Variants in AMPD3 observed in about 807,000 individuals in gnomAD.
AMPD3 encodes AMP deaminase 3.
Under a neutral mutation model 82.3 loss-of-function variants are expected in AMPD3, and 57 were observed. That is an observed-to-expected ratio of 0.69 (90% CI 0.56 to 0.86). The LOEUF (loss-of-function observed/expected upper bound fraction) is 0.86. AMPD3 is among the 40% of genes least tolerant of loss of function. The pLI, the probability that AMPD3 is intolerant of heterozygous loss-of-function variation, is 0.00. For synonymous variants in AMPD3, 381 were observed against 394.7 expected (o/e 0.97, Z 0.41); for missense variants, 870 against 1,003.8 (o/e 0.87, Z 1.80).
intron 2 of AMPD3, among the ~76,000 whole-genome samples, chr11:10,469,163 A>G (rs1206639273): frequency 6.6e-6 from 1 of 152,220 alleles, no homozygotes; most frequent in Non-Finnish European, 1.5e-5. Context: ...CGAAGGAGAT[A>G]GAGACATGAA....
At position 10,473,703 on chromosome 11, in the gene AMPD3, A is replaced by G. The variant is rs1848658032; in HGVS notation, c.222-4823A>G. 8.5e-6 allele frequency: 6 copies of G among 707,806 alleles called. No homozygotes were observed. In the South Asian group the frequency reaches 3.8e-4, roughly 45 times the overall value. 43.8% of individuals were successfully genotyped at this position (707,806 alleles called of 1,614,324 possible). On this transcript the variant is annotated intron_variant, in intron 2 of 14. Transcript: ENST00000396553. The stretch of plus-strand genomic sequence containing the variant: ...CCCATCGTGCAGCATATTTCTCCAG[A>G]TAGGCTGGGACCTCTGGTCTCAAGT...
At chr11:10,491,468 T>A (rs961036623) in intron 6 of AMPD3, among the ~76,000 whole-genome samples, 2 of 152,090 alleles carry the variant, frequency 1.3e-5, no homozygotes, top group African/African-American at 4.8e-5. Context: ...CAAATTACAT[T>A]TAAAGAATCC....
At chr11:10,471,928 C>T (rs1032892450) in intron 2 of AMPD3, among the ~76,000 whole-genome samples, 1 of 152,242 alleles carries the variant, frequency 6.6e-6, no homozygotes, top group East Asian at 1.9e-4. Context: ...ACCATTTGAC[C>T]CAGCAATCCC....
At chr11:10,497,898 G>A (rs1035103626) in intron 10 of AMPD3, 5 of 949,134 alleles carry the variant, frequency 5.3e-6, no homozygotes. Context: ...GTTGTTAACA[G>A]TAAGCGGAAT....
intron 2 of AMPD3, among the ~76,000 whole-genome samples, chr11:10,468,781 TAACA>T (rs1391311733): frequency 2.0e-5 from 3 of 152,302 alleles, no homozygotes; most frequent in East Asian, 1.9e-4. Flanking sequence ...ATGGAAATCA[TAACA>T]AACAGTCTCT....
At chr11:10,500,959 G>A (rs919132982) in intron 11 of AMPD3, 22 of 985,284 alleles carry the variant, frequency 2.2e-5, no homozygotes, top group African/African-American at 5.2e-5. Flanking sequence ...TGGAGGTTTC[G>A]AATGGGGTCC....
intron 2 of AMPD3, chr11:10,473,719 G>A (rs1446850108): frequency 5.2e-6 from 3 of 572,710 alleles, no homozygotes; most frequent in Non-Finnish European, 6.6e-6. Context: ...TGGGACCTCT[G>A]GTCTCAAGTA....
intron 6 of AMPD3, among the ~76,000 whole-genome samples, chr11:10,492,065 G>A (rs1364626456): frequency 1.3e-5 from 2 of 152,146 alleles, no homozygotes; most frequent in African/African-American, 2.4e-5. Context: ...GCTGACTAAG[G>A]AGGCTGAAAA....
chr11:10,490,480 A>G (rs1849208939), intron 6 of AMPD3: 1 of 985,300 alleles, frequency 1.0e-6, no homozygotes, highest in African/African-American at 1.7e-5. Context: ...CTTAGGTCCC[A>G]GGTCTGGAAA....
intron 4 of AMPD3, chr11:10,484,420 G>C (rs1432205655): frequency 1.0e-6 from 1 of 985,244 alleles, no homozygotes; most frequent in East Asian, 1.1e-4. Context: ...TTTCCTGGGA[G>C]AAGACACCGC....
rs1436514443 is a variant in AMPD3, at chr11:10,486,763, CCTT to C, written c.810-467_810-465del. The C allele has an allele frequency of 1.3e-5, 13 of 985,316 alleles. 1 individual carries two copies. The highest frequency in any genetic ancestry group is 1.4e-5 in the Non-Finnish European group (12 of 829,922). The allele number at this position is 985,316 out of a possible 1,614,324, so 61.0% of individuals were successfully genotyped here. A position where few individuals can be genotyped will look rare whatever the true frequency, so the allele number is the denominator to read the frequency against. Reference sequence around the variant, plus strand: ...TTATCAATCCTCTGGGCAACAAACTCCTTCTTCAAGGAATGACAAGTGGCTGAG... The same window carrying C: ...TTATCAATCCTCTGGGCAACAAACTCCTTCAAGGAATGACAAGTGGCTGAG... On this transcript the variant is annotated intron_variant, in intron 5 of 14. Transcript: ENST00000396553.
rs115426686 is a variant in AMPD3, at chr11:10,501,413, C to T, written c.1722-57C>T. On this transcript the variant is annotated intron_variant, in intron 11 of 14. Coordinates refer to ENST00000396553, the MANE Select transcript of AMPD3 (RefSeq NM_001025389.2). ...CTGGCCCTGAGCTGTGGCTGCAGGC[C>T]CCAGGCAGAGCCAACTGGGGGGGGC... is the stretch of plus-strand genomic sequence containing the variant. 6,163 of 1,602,462 alleles carry T rather than the reference C, an allele frequency of 3.8e-3. 173 individuals are homozygous for T. The African/African-American group carries it at 0.064, about 17-fold the overall frequency.
At chr11:10,498,344 C>G (rs1299102015) in intron 10 of AMPD3, 1 of 152,778 alleles carries the variant, frequency 6.5e-6, no homozygotes, top group Non-Finnish European at 1.5e-5. Context: ...AGGTTGCTGC[C>G]AGCAATGGAG....
At chr11:10,492,406 A>C (rs1849263923) in intron 6 of AMPD3, among the ~76,000 whole-genome samples, 1 of 152,152 alleles carries the variant, frequency 6.6e-6, no homozygotes, top group Non-Finnish European at 1.5e-5. Context: ...TAACTAGTCA[A>C]GGAAGGGTGT....
upstream of AMPD3, among the ~76,000 whole-genome samples, chr11:10,453,986 C>G (rs989092376): frequency 6.6e-6 from 1 of 152,096 alleles, no homozygotes; most frequent in Admixed American, 6.5e-5. Context: ...AGTCTAGTCT[C>G]GGGCAGGAGA....
intron 6 of AMPD3, chr11:10,488,426 G>A (rs1017422808): frequency 1.0e-6 from 1 of 985,096 alleles, no homozygotes; most frequent in Non-Finnish European, 1.2e-6. Context: ...ATTCCAGGTA[G>A]AGGCACGTGA....
intron 3 of AMPD3, chr11:10,481,645 G>A (rs943104642): frequency 2.2e-5 from 8 of 368,618 alleles, no homozygotes; most frequent in African/African-American, 1.3e-4. Flanking sequence ...CAAAGGGAGC[G>A]ATACATGGAG....
At chr11:10,495,065 G>C (rs1276643739) in intron 8 of AMPD3, 35 bp downstream of exon 8, 1 of 1,613,684 alleles carries the variant, frequency 6.2e-7, no homozygotes, top group East Asian at 2.2e-5. Flanking sequence ...AGGCCTCTCA[G>C]GTGCCTCCCA....
intron 2 of AMPD3, among the ~76,000 whole-genome samples, chr11:10,466,781 A>C (rs1158662199): frequency 6.6e-6 from 1 of 152,170 alleles, no homozygotes; most frequent in Non-Finnish European, 1.5e-5. Context: ...CAGGCATCTC[A>C]TACAGGAGAG....
Sources: allele counts gnomAD v4.1 joint callset (sites outside exome capture counted in the v4.1 genomes callset), GRCh38; gene constraint gnomAD v4.1.1; transcripts MANE v1.5; gene names NCBI Gene and HGNC (gene_info 2026-07-23, HGNC 2026-07-21).